The following ZNF207 variants were observed in gnomAD, a reference collection of about 807,000 sequenced individuals.
ZNF207 encodes the protein zinc finger protein 207.
Under a neutral mutation model 60.2 loss-of-function variants are expected in ZNF207, and 24 were observed. The observed-to-expected ratio is 0.40, with a 90% CI of 0.29 to 0.56. ZNF207 has a LOEUF of 0.56. ZNF207 is among the 20% of genes least tolerant of loss of function. The pLI is 0.49. For synonymous variants in ZNF207, 236 were observed against 194.7 expected, an observed-to-expected ratio of 1.21 and a Z score of -1.77; for missense variants, 452 against 636.6, an observed-to-expected ratio of 0.71 and a Z score of 3.12.
At position 32,367,277 on chromosome 17, in the gene ZNF207, A is replaced by ATG. The variant is rs1567825068; in HGVS notation, c.922-494_922-493insGT. On this transcript the variant is annotated intron_variant, in intron 9 of 11. Coordinates refer to ENST00000394670, the MANE Select transcript of ZNF207 (RefSeq NM_001098507.2). The stretch of plus-strand genomic sequence containing the variant: ...TATATATATATATATATATATATAT[A>ATG]TATATATAAAGAATACTACTAAAGG... Among the ~76,000 whole-genome samples, 158 of 116,692 alleles carry ATG rather than the reference A, an allele frequency of 1.4e-3. 6 individuals are homozygous for ATG. Among genetic ancestry groups the ATG allele is most frequent in the Non-Finnish European group, 1.8e-3 (107 of 58,400 alleles). The allele number at this position is 116,692 out of a possible 152,430, so 76.6% of individuals were successfully genotyped here.
intron 7 of ZNF207, among the ~76,000 whole-genome samples, chr17:32,364,347 AGTT>A (rs1905056621): frequency 6.8e-6 from 1 of 147,122 alleles, no homozygotes. Flanking sequence ...CGAGGCTATT[AGTT>A]GTTTTTTTTT....
intron 2 of ZNF207, among the ~76,000 whole-genome samples, chr17:32,353,147 C>T (rs941985040): frequency 1.8e-4 from 28 of 152,132 alleles, no homozygotes; most frequent in African/African-American, 5.8e-4. Flanking sequence ...GCATTCCAGC[C>T]TGGGCAACAG....
intron 3 of ZNF207, among the ~76,000 whole-genome samples, chr17:32,359,064 A>G (rs899112892): frequency 1.3e-5 from 2 of 150,408 alleles, no homozygotes; most frequent in Admixed American, 6.7e-5. Context: ...TTGCCTCGCA[A>G]AGTGCTGGGA....
At position 32,373,771 on chromosome 17, in the gene ZNF207, A is replaced by AATG. The variant is rs1363896159; in HGVS notation, c.*4013_*4015dup. ...TTGATATTTTTGATTGGAGGCAAGAAATGTTTCATTCAAGTTTTTTACTTT... is the reference window on the plus strand; with the variant it reads ...TTGATATTTTTGATTGGAGGCAAGAAATGATGTTTCATTCAAGTTTTTTACTTT... On this transcript the variant is annotated 3_prime_UTR_variant, in exon 12 of 12. Transcript: ENST00000394670. The AATG allele has an allele frequency of 4.7e-6, 1 of 212,722 alleles. No individual in the cohort carries two copies. Among genetic ancestry groups the AATG allele is most frequent in the Non-Finnish European group, 9.2e-6 (1 of 109,124 alleles). The allele number at this position is 212,722 out of a possible 1,614,324, so 13.2% of individuals were successfully genotyped here.
intron 6 of ZNF207, 40 bp downstream of exon 6, chr17:32,361,555 C>A: frequency 6.5e-7 from 1 of 1,549,868 alleles, no homozygotes; most frequent in Non-Finnish European, 8.8e-7. Context: ...GAGGTATAAT[C>A]ATACTGTCAT....
At position 32,369,762 on chromosome 17, in the gene ZNF207, T is replaced by G; in HGVS notation, c.*3T>G. The stretch of plus-strand genomic sequence containing the variant: ...TGTCGCAAGGTGGCCGTTACTGATC[T>G]TACTTCATCCAGTCTAATAGGTTTG... On this transcript the variant is annotated 3_prime_UTR_variant, in exon 12 of 12. Coordinates refer to ENST00000394670, the MANE Select transcript of ZNF207 (RefSeq NM_001098507.2). The G allele has an allele frequency of 6.6e-7, 1 of 1,521,488 alleles. No homozygotes were observed. Among genetic ancestry groups the G allele is most frequent in the Non-Finnish European group, 8.8e-7 (1 of 1,135,752 alleles). 94.2% of individuals were successfully genotyped at this position (1,521,488 alleles called of 1,614,324 possible).
At chr17:32,352,201 C>T (rs553406602) in intron 2 of ZNF207, among the ~76,000 whole-genome samples, 1 of 152,206 alleles carries the variant, frequency 6.6e-6, no homozygotes, top group East Asian at 1.9e-4. Context: ...AACTCCTGAC[C>T]TCAGGTGATC....
At chr17:32,358,925 G>T (rs1187233701) in intron 3 of ZNF207, among the ~76,000 whole-genome samples, 1 of 151,804 alleles carries the variant, frequency 6.6e-6, no homozygotes, top group Admixed American at 6.6e-5. Context: ...TTGGCCTCCT[G>T]AGTAGCTGGC....
intron 9 of ZNF207, among the ~76,000 whole-genome samples, chr17:32,367,532 G>A (rs772504696): frequency 6.6e-5 from 10 of 151,872 alleles, no homozygotes; most frequent in Non-Finnish European, 1.2e-4. Flanking sequence ...CATCTAACAA[G>A]TTAAATATGC....
chr17:32,365,311 A>G lies in ZNF207; in HGVS notation c.671-19A>G. ...AATTTTTCAGTGACTCAATTTCCCC[A>G]AACATTTCTTCTCTGCAGGTATGCC... On this transcript the variant is annotated intron_variant, in intron 7 of 11. Transcript: ENST00000394670. 6.3e-7 allele frequency: 1 copy of G among 1,593,102 alleles called. No homozygotes were observed. The highest frequency in any genetic ancestry group is 8.6e-7 in the Non-Finnish European group (1 of 1,168,708).
chr17:32,357,353 T>TATTATTTA (rs1274723282), intron 2 of ZNF207, among the ~76,000 whole-genome samples: 10 of 88,188 alleles, frequency 1.1e-4, no homozygotes, highest in African/African-American at 4.3e-4. Flanking sequence ...TTATTATTAT[T>TATTATTTA]TTTTTTTTTT....
rs759219918 is a variant in ZNF207, at chr17:32,373,769, G to C, written c.*4010G>C. ...ATTTGATATTTTTGATTGGAGGCAA[G>C]AAATGTTTCATTCAAGTTTTTTACT... On this transcript the variant is annotated 3_prime_UTR_variant, in exon 12 of 12. Transcript: ENST00000394670. The C allele has an allele frequency of 3.7e-5, 8 of 215,422 alleles. No homozygotes were observed. The highest frequency in any genetic ancestry group is 6.3e-5 in the Non-Finnish European group (7 of 110,904). The allele number at this position is 215,422 out of a possible 1,614,324, so 13.3% of individuals were successfully genotyped here. A position where few individuals can be genotyped will look rare whatever the true frequency, so the allele number is the denominator to read the frequency against.
intron 10 of ZNF207, chr17:32,368,220 C>T: frequency 1.5e-6 from 1 of 655,086 alleles, no homozygotes; most frequent in Non-Finnish European, 2.5e-6. Flanking sequence ...TAGATGGTTT[C>T]TCTCCCCTTC....
At position 32,373,236 on chromosome 17, in the gene ZNF207, A is replaced by C; in HGVS notation, c.*3477A>C. 1 of 452,926 alleles carries C rather than the reference A, an allele frequency of 2.2e-6. No individual in the cohort carries two copies. Among genetic ancestry groups the C allele is most frequent in the Non-Finnish European group, 3.9e-6 (1 of 253,818 alleles). 28.1% of individuals were successfully genotyped at this position (452,926 alleles called of 1,614,324 possible). A position where few individuals can be genotyped will look rare whatever the true frequency, so the allele number is the denominator to read the frequency against. ...GGAGGGGGATTCCCCAACAAAAAGA[A>C]GTACGGGCTCAGAGTGGAATTGTAG... On this transcript the variant is annotated 3_prime_UTR_variant, in exon 12 of 12. Coordinates refer to ENST00000394670, the MANE Select transcript of ZNF207 (RefSeq NM_001098507.2).
chr17:32,354,104 TA>T (rs1904356903), intron 2 of ZNF207, among the ~76,000 whole-genome samples: 1 of 152,030 alleles, frequency 6.6e-6, no homozygotes, highest in African/African-American at 2.4e-5. Flanking sequence ...GCCTCCTGAG[TA>T]CCTGGGACAA....
chr17:32,358,750 C>T (rs1251785571), intron 3 of ZNF207, 109 bp downstream of exon 3: 1 of 823,476 alleles, frequency 1.2e-6, no homozygotes, highest in East Asian at 3.5e-5. Context: ...GTGGTGTGAT[C>T]TGGGCTCTCT....
chr17:32,373,112 A>G lies in ZNF207; in HGVS notation c.*3353A>G, dbSNP rs1007583968. 1 of 287,798 alleles carries G rather than the reference A, an allele frequency of 3.5e-6. No homozygotes were observed. Among genetic ancestry groups the G allele is most frequent in the Non-Finnish European group, 6.4e-6 (1 of 156,192 alleles). 17.8% of individuals were successfully genotyped at this position (287,798 alleles called of 1,614,324 possible). Reference sequence around the variant, plus strand: ...TTAGTATTTTAGTAGTGTCTCACACATTTGCCATTAGGTATGAATAAAATA... The same window carrying G: ...TTAGTATTTTAGTAGTGTCTCACACGTTTGCCATTAGGTATGAATAAAATA... On this transcript the variant is annotated 3_prime_UTR_variant, in exon 12 of 12. Coordinates refer to ENST00000394670, the MANE Select transcript of ZNF207 (RefSeq NM_001098507.2).
intron 1 of ZNF207, 133 bp downstream of exon 1, chr17:32,350,459 G>A: frequency 8.3e-7 from 1 of 1,199,996 alleles, no homozygotes; most frequent in Non-Finnish European, 1.2e-6. Context: ...CCTGGTGGCT[G>A]GGATTGGACT....
intron 1 of ZNF207, among the ~76,000 whole-genome samples, chr17:32,350,707 G>A (rs543531755): frequency 6.6e-6 from 1 of 152,304 alleles, no homozygotes; most frequent in East Asian, 1.9e-4. Context: ...TACTTTCATG[G>A]AGGGTTGGGG....
Sources: allele counts gnomAD v4.1 joint callset (sites outside exome capture counted in the v4.1 genomes callset), GRCh38; gene constraint gnomAD v4.1.1; transcripts MANE v1.5; gene names NCBI Gene and HGNC (gene_info 2026-07-23, HGNC 2026-07-21).